Variants in CD2 observed in about 807,000 individuals in gnomAD.
The protein encoded by CD2 is T-cell surface antigen CD2.
CD2 carries 18 observed loss-of-function variants against 23.2 expected under a neutral mutation model. The observed-to-expected ratio is 0.77, with a 90% confidence interval of 0.54 to 1.15. The LOEUF (loss-of-function observed/expected upper bound fraction) is 1.15, where lower values mean the gene tolerates loss of function less well. Ranked by LOEUF, CD2 falls within the 50% of genes most tolerant of loss-of-function variation. The probability of loss-of-function intolerance (pLI) is 0.00; values close to 1 mark genes in which losing one functional copy is unlikely to be tolerated. For synonymous variants in CD2, 162 were observed against 151.9 expected (o/e 1.07, Z -0.49); for missense variants, 424 against 423.1 (o/e 1.00, Z -0.02).
At chr1:116,764,056 G>A (rs1652137796) in intron 3 of CD2, among the ~76,000 whole-genome samples, 1 of 151,940 alleles carries the variant, frequency 6.6e-6, no homozygotes, top group East Asian at 1.9e-4. Context: ...CCGAGACAAG[G>A]GGCTGCTTAA....
At chr1:116,764,706 A>T in intron 4 of CD2, 100 bp downstream of exon 4, 1 of 893,012 alleles carries the variant, frequency 1.1e-6, no homozygotes, top group Non-Finnish European at 1.8e-6. Flanking sequence ...AATGATGGAA[A>T]TAGGTAGTTT....
intron 2 of CD2, among the ~76,000 whole-genome samples, chr1:116,757,348 T>C (rs1173185897): frequency 1.3e-5 from 2 of 151,978 alleles, no homozygotes; most frequent in Non-Finnish European, 2.9e-5. Context: ...CATGAGGGAG[T>C]TGCTGCTGCA....
chr1:116,768,651 T>A lies in CD2; in HGVS notation c.924T>A (p.Pro308=). 1 of 1,613,984 alleles carries A rather than the reference T, an allele frequency of 6.2e-7. No individual in the cohort carries two copies. Among genetic ancestry groups the A allele is most frequent in the Admixed American group, 1.7e-5 (1 of 60,002 alleles). The change falls in exon 5 of 5, where the codon CCT becomes CCA. Residue 308 remains proline, a synonymous_variant. Transcript: ENST00000369478. Reference sequence around the variant, plus strand: ...CTGGACACCGTGTTCAGCACCAGCCTCAGAAGAGGCCTCCTGCTCCGTCGG... The same window carrying A: ...CTGGACACCGTGTTCAGCACCAGCCACAGAAGAGGCCTCCTGCTCCGTCGG... The part of the protein sequence containing the change: ...PPPGHRVQHQ[P]QKRPPAPSGT...
chr1:116,760,220 A>AT (rs1224610921), intron 2 of CD2, among the ~76,000 whole-genome samples, 182 bp from the exon 3 acceptor site: 2 of 152,240 alleles, frequency 1.3e-5, no homozygotes, highest in African/African-American at 4.8e-5. Context: ...GTCATCAGAA[A>AT]TAATTTTTTT....
At chr1:116,759,190 C>T (rs1377578889) in intron 2 of CD2, among the ~76,000 whole-genome samples, 1 of 152,112 alleles carries the variant, frequency 6.6e-6, no homozygotes, top group Non-Finnish European at 1.5e-5. Flanking sequence ...CATTTTCTTC[C>T]TTCTCAGTAA....
intron 2 of CD2, among the ~76,000 whole-genome samples, chr1:116,757,028 G>T (rs112151551): frequency 4.4e-4 from 62 of 142,322 alleles, no homozygotes; most frequent in African/African-American, 1.5e-3. Context: ...ATGGCATCTT[G>T]CTCTGTTGCC....
chr1:116,759,732 C>A (rs1179594260), intron 2 of CD2, among the ~76,000 whole-genome samples: 2 of 152,208 alleles, frequency 1.3e-5, no homozygotes, highest in Non-Finnish European at 2.9e-5. Flanking sequence ...CTGTGAGCAA[C>A]TGAGCAGCTC....
intron 4 of CD2, among the ~76,000 whole-genome samples, chr1:116,766,327 C>T (rs761164959): frequency 6.6e-6 from 1 of 152,220 alleles, no homozygotes; most frequent in African/African-American, 2.4e-5. Context: ...GTCTGTCCAA[C>T]CCTGCCTGCA....
intron 2 of CD2, among the ~76,000 whole-genome samples, chr1:116,760,101 G>A: frequency 6.6e-6 from 1 of 152,302 alleles, no homozygotes; most frequent in South Asian, 2.1e-4. Context: ...ACATCAGCCT[G>A]TCTGTTAGGG....
chr1:116,768,449 G>A lies in CD2; in HGVS notation c.737-15G>A. The A allele has an allele frequency of 3.1e-6, 5 of 1,611,254 alleles. No homozygotes were observed. The highest frequency in any genetic ancestry group is 2.2e-5 in the East Asian group (1 of 44,862). On this transcript the variant is annotated splice_polypyrimidine_tract_variant and intron_variant, in intron 4 of 4. Transcript: ENST00000369478. ...CCTGGCCAAGATGAACTCTATTGAG[G>A]TTTTGTTGTTGCAGATGAGGAGCTG...
At chr1:116,759,261 G>A (rs919749122) in intron 2 of CD2, among the ~76,000 whole-genome samples, 1 of 151,942 alleles carries the variant, frequency 6.6e-6, no homozygotes, top group African/African-American at 2.4e-5. Context: ...TATATATATC[G>A]GGACATAAAT....
intron 2 of CD2, among the ~76,000 whole-genome samples, chr1:116,755,294 C>A (rs769754725): frequency 6.6e-6 from 1 of 152,086 alleles, no homozygotes; most frequent in Non-Finnish European, 1.5e-5. Context: ...GATGAATCGG[C>A]GAGCTAAGAG....
At chr1:116,759,977 G>A (rs1651988086) in intron 2 of CD2, among the ~76,000 whole-genome samples, 1 of 152,102 alleles carries the variant, frequency 6.6e-6, no homozygotes, top group African/African-American at 2.4e-5. Context: ...AACTCTGGAG[G>A]CACTTTCTTA....
At chr1:116,764,104 C>A (rs1317437114) in intron 3 of CD2, among the ~76,000 whole-genome samples, 1 of 151,900 alleles carries the variant, frequency 6.6e-6, no homozygotes, top group Non-Finnish European at 1.5e-5. Context: ...TGGCTTCGGG[C>A]AACTCATTCT....
intron 4 of CD2, 111 bp downstream of exon 4, chr1:116,764,717 C>T (rs1445525627): frequency 8.4e-6 from 7 of 835,316 alleles, no homozygotes; most frequent in African/African-American, 1.7e-5. Flanking sequence ...TAGGTAGTTT[C>T]GGAATGTCAG....
At chr1:116,766,327 C>A (rs761164959) in intron 4 of CD2, among the ~76,000 whole-genome samples, 1 of 152,338 alleles carries the variant, frequency 6.6e-6, no homozygotes, top group East Asian at 1.9e-4. Context: ...GTCTGTCCAA[C>A]CCTGCCTGCA....
intron 4 of CD2, 193 bp downstream of exon 4, chr1:116,764,799 G>A: frequency 1.7e-6 from 1 of 577,536 alleles, no homozygotes; most frequent in Admixed American, 3.0e-5. Flanking sequence ...ATTCTTAGTG[G>A]TGACAATGTG....
rs1305133933 is a variant in CD2, at chr1:116,768,499, A to G, written c.772A>G (p.Thr258Ala). 6.2e-7 allele frequency: 1 copy of G among 1,614,176 alleles called. No homozygotes were observed. The highest frequency in any genetic ancestry group is 1.1e-5 in the South Asian group (1 of 91,080). Reference sequence around the variant, plus strand: ...GGAGACAAGAGCCCACAGAGTAGCTACTGAAGAAAGGGGCCGGAAGCCCCA... The same window carrying G: ...GGAGACAAGAGCCCACAGAGTAGCTGCTGAAGAAAGGGGCCGGAAGCCCCA... ...ELETRAHRVATEERGRKPHQI... is the reference protein window; with the variant it reads ...ELETRAHRVAAEERGRKPHQI... Residue 258 changes from threonine (T) to alanine (A), a missense_variant, in exon 5 of 5, where the codon ACT (threonine) becomes GCT (alanine). Physicochemically the swap from Thr to Ala is moderately conservative, Grantham distance 58. Coordinates refer to ENST00000369478, the MANE Select transcript of CD2 (RefSeq NM_001767.5).
chr1:116,768,859 A>G lies in CD2; in HGVS notation c.*76A>G. The G allele has an allele frequency of 7.1e-7, 1 of 1,404,540 alleles. No individual in the cohort carries two copies. The highest frequency in any genetic ancestry group is 1.4e-5 in the South Asian group (1 of 73,836). 87.0% of individuals were successfully genotyped at this position (1,404,540 alleles called of 1,614,324 possible). ...TCCTGATGTGCATATCCGTACTTCC[A>G]TGAGGTGTTTTCTGTGTGCAGAACA... On this transcript the variant is annotated 3_prime_UTR_variant, in exon 5 of 5. Coordinates refer to ENST00000369478, the MANE Select transcript of CD2 (RefSeq NM_001767.5).
Sources: allele counts gnomAD v4.1 joint callset (sites outside exome capture counted in the v4.1 genomes callset), GRCh38; gene constraint gnomAD v4.1.1; transcripts MANE v1.5; gene names NCBI Gene and HGNC (gene_info 2026-07-23, HGNC 2026-07-21).